Variants in SLC36A1 observed in about 807,000 individuals in gnomAD.
SLC36A1 encodes the protein solute carrier family 36 member 1.
A neutral mutation model predicts 47.5 loss-of-function variants in SLC36A1; 30 were observed. The ratio of observed to expected loss-of-function variants is 0.63; its 90% CI spans 0.47 to 0.86. The LOEUF (loss-of-function observed/expected upper bound fraction) is 0.86, where lower values mean the gene tolerates loss of function less well. Among genes scored for constraint, SLC36A1 ranks in the 40% least tolerant of loss-of-function variants. The pLI, the probability that SLC36A1 is intolerant of heterozygous loss-of-function variation, is 0.00. For missense variants in SLC36A1, 517 were observed against 606.0 expected (o/e 0.85, Z 1.54); for synonymous variants, 255 against 249.7 (o/e 1.02, Z -0.20).
the SLC36A1 span, among the ~76,000 whole-genome samples, chr5:151,403,614 T>C: frequency 6.6e-6 from 1 of 152,200 alleles, no homozygotes; most frequent in Non-Finnish European, 1.5e-5. Flanking sequence ...AAAACCTTTC[T>C]TCTTAAAAAT....
At chr5:151,458,961 C>T in intron 2 of SLC36A1, 26 bp downstream of exon 2, 1 of 1,587,004 alleles carries the variant, frequency 6.3e-7, no homozygotes. Flanking sequence ...CTTCTCCTCT[C>T]CTGGGTGGGA....
chr5:151,348,699 G>C, the SLC36A1 span, among the ~76,000 whole-genome samples: 1 of 152,182 alleles, frequency 6.6e-6, no homozygotes, highest in Non-Finnish European at 1.5e-5. Flanking sequence ...ACAAAGCCTG[G>C]CTACTTCTGT....
At chr5:151,351,583 A>G in the SLC36A1 span, among the ~76,000 whole-genome samples, 21 of 151,896 alleles carry the variant, frequency 1.4e-4, no homozygotes, top group African/African-American at 3.9e-4. Flanking sequence ...GCAGGTGTCA[A>G]CTCTTATGAC....
At chr5:151,506,190 G>A in the SLC36A1 span, 21 of 1,354,696 alleles carry the variant, frequency 1.6e-5, no homozygotes, top group Non-Finnish European at 1.9e-5. Context: ...AGCGAGTGGT[G>A]GAGATGGGAG....
the SLC36A1 span, among the ~76,000 whole-genome samples, chr5:151,362,533 G>T: frequency 6.6e-6 from 1 of 151,886 alleles, no homozygotes; most frequent in African/African-American, 2.4e-5. Flanking sequence ...TGGGACTATA[G>T]GCACATGTCA....
the SLC36A1 span, among the ~76,000 whole-genome samples, chr5:151,362,453 C>G: frequency 0.04 from 5,838 of 146,308 alleles, 387 homozygotes; most frequent in African/African-American, 0.14. Context: ...TGCAGTGGGG[C>G]AACCTCAGCT....
At chr5:151,518,809 A>G in the SLC36A1 span, among the ~76,000 whole-genome samples, 1 of 152,186 alleles carries the variant, frequency 6.6e-6, no homozygotes, top group African/African-American at 2.4e-5. Context: ...CATTCTGTTG[A>G]ACCCCCTTTG....
the SLC36A1 span, among the ~76,000 whole-genome samples, chr5:151,408,081 G>C: frequency 2.0e-5 from 3 of 152,180 alleles, no homozygotes; most frequent in Non-Finnish European, 4.4e-5. Flanking sequence ...GGTCACTCTA[G>C]CTTTAGGTTC....
the SLC36A1 span, among the ~76,000 whole-genome samples, chr5:151,391,680 T>C: frequency 1.3e-5 from 2 of 152,220 alleles, no homozygotes; most frequent in Non-Finnish European, 2.9e-5. Context: ...TTGTCTTTGG[T>C]TCTGTTTATT....
At chr5:151,460,162 A>G (rs1480356283) in intron 2 of SLC36A1, among the ~76,000 whole-genome samples, 1 of 152,204 alleles carries the variant, frequency 6.6e-6, no homozygotes, top group Admixed American at 6.5e-5. Context: ...ATGCAGAAGC[A>G]TCTCCACACA....
chr5:151,517,584 AC>A, the SLC36A1 span: 1 of 1,612,480 alleles, frequency 6.2e-7, no homozygotes, highest in East Asian at 2.2e-5. Flanking sequence ...AGCCTGGGAC[AC>A]CCACATGAAA....
At chr5:151,513,937 G>C in the SLC36A1 span, among the ~76,000 whole-genome samples, 3 of 152,134 alleles carry the variant, frequency 2.0e-5, no homozygotes, top group Non-Finnish European at 4.4e-5. Context: ...AGTGTAAAAA[G>C]TCCTGAAGTC....
chr5:151,467,855 C>T lies in SLC36A1; in HGVS notation c.653C>T (p.Ser218Phe), dbSNP rs1478599255. ...TTCATCAGGAACCTCCGAGCCCTGT[C>T]CATCTTCTCCCTGTTGGCCAACATC... The part of the protein sequence containing the change: ...LVFIRNLRAL[S>F]IFSLLANITM... Residue 218 changes from serine (S) to phenylalanine (F), a missense_variant, in exon 7 of 11, where the codon TCC (serine) becomes TTC (phenylalanine). Coordinates refer to ENST00000243389, the MANE Select transcript of SLC36A1 (RefSeq NM_078483.4). 4 of 1,614,024 alleles carry T rather than the reference C, an allele frequency of 2.5e-6. No individual in the cohort carries two copies. Among genetic ancestry groups the T allele is most frequent in the Non-Finnish European group, 3.4e-6 (4 of 1,179,994 alleles).
chr5:151,356,206 G>T, the SLC36A1 span, among the ~76,000 whole-genome samples: 1 of 151,542 alleles, frequency 6.6e-6, no homozygotes, highest in African/African-American at 2.4e-5. Flanking sequence ...GGGCATGGTG[G>T]CTCACACCTG....
chr5:151,467,101 A>G, intron 5 of SLC36A1, 98 bp from the exon 6 acceptor site: 1 of 909,906 alleles, frequency 1.1e-6, no homozygotes, highest in Non-Finnish European at 1.8e-6. Flanking sequence ...TGTACTCCCT[A>G]AATCTATTAA....
chr5:151,553,387 T>G, the SLC36A1 span: 1 of 1,613,936 alleles, frequency 6.2e-7, no homozygotes, highest in Non-Finnish European at 8.5e-7. Context: ...GTTGCCTTGA[T>G]CTGAAAGGAG....
At chr5:151,492,982 C>G (rs1005841779), downstream of SLC36A1, among the ~76,000 whole-genome samples, 1 of 152,160 alleles carries the variant, frequency 6.6e-6, no homozygotes, top group Admixed American at 6.5e-5. Flanking sequence ...GTCTCTCTCT[C>G]AGTCTCTCTA....
chr5:151,519,648 G>A, the SLC36A1 span, among the ~76,000 whole-genome samples: 1 of 152,192 alleles, frequency 6.6e-6, no homozygotes, highest in Admixed American at 6.5e-5. Context: ...TTCTTTCCTT[G>A]ATCTGGGCGT....
the SLC36A1 span, chr5:151,549,279 T>C: frequency 6.2e-7 from 1 of 1,611,000 alleles, no homozygotes; most frequent in African/African-American, 1.3e-5. Flanking sequence ...TCTGAGCTCA[T>C]GGCCAGGCCT....
Sources: allele counts gnomAD v4.1 joint callset (sites outside exome capture counted in the v4.1 genomes callset), GRCh38; gene constraint gnomAD v4.1.1; transcripts MANE v1.5; gene names NCBI Gene and HGNC (gene_info 2026-07-23, HGNC 2026-07-21).